SEL1L: variants seen among roughly 807,000 people sequenced by gnomAD.
SEL1L encodes the protein SEL1L adaptor subunit of SYVN1 ubiquitin ligase, also known as protein sel-1 homolog 1.
In SEL1L, 52 loss-of-function variants were observed where a neutral mutation model predicts 109.8. The observed-to-expected ratio is 0.47, with a 90% CI of 0.38 to 0.60. SEL1L has a LOEUF of 0.60. SEL1L is among the 20% of genes least tolerant of loss of function. The pLI, the probability that SEL1L is intolerant of heterozygous loss-of-function variation, is 0.00. For missense variants in SEL1L, 749 were observed against 962.2 expected, an observed-to-expected ratio of 0.78 and a Z score of 2.93; for synonymous variants, 373 against 339.6, an observed-to-expected ratio of 1.10 and a Z score of -1.08.
intron 19 of SEL1L, among the ~76,000 whole-genome samples, chr14:81,482,882 G>T (rs1903404561): frequency 6.6e-6 from 1 of 152,176 alleles, no homozygotes. Context: ...ACACAGGAAG[G>T]AGTATAATTA....
At chr14:81,486,888 G>A (rs1020245461) in intron 16 of SEL1L, among the ~76,000 whole-genome samples, 1 of 152,002 alleles carries the variant, frequency 6.6e-6, no homozygotes. Flanking sequence ...CCAAGTCTAA[G>A]AGAGAGCTAA....
intron 14 of SEL1L, 71 bp from the exon 15 acceptor site, chr14:81,488,013 T>A: frequency 8.4e-7 from 1 of 1,192,494 alleles, no homozygotes; most frequent in African/African-American, 1.5e-5. Context: ...GAGATTTATT[T>A]AAAAAAATGA....
At chr14:81,501,251 T>C (rs1038980710) in intron 6 of SEL1L, among the ~76,000 whole-genome samples, 1 of 152,148 alleles carries the variant, frequency 6.6e-6, no homozygotes, top group African/African-American at 2.4e-5. Context: ...TAACTCTCTG[T>C]AGTGTTAAGC....
At chr14:81,482,623 A>G (rs1370317327) in intron 19 of SEL1L, among the ~76,000 whole-genome samples, 5 of 150,334 alleles carry the variant, frequency 3.3e-5, no homozygotes, top group African/African-American at 1.2e-4. Context: ...ATTAAGTGGC[A>G]GAGATCTTCC....
At chr14:81,501,994 G>A (rs1884030658) in intron 6 of SEL1L, among the ~76,000 whole-genome samples, 2 of 151,348 alleles carry the variant, frequency 1.3e-5, no homozygotes, top group East Asian at 3.9e-4. Flanking sequence ...AAAGGCATTG[G>A]GGTATACTAG....
chr14:81,522,426 C>T lies in SEL1L; in HGVS notation c.340+4307G>A, dbSNP rs183224072. ...ATCTTTTATACCATATTTTTATGTG[C>T]TTTTTCTATGTTTAGATAGGTTTAG... is the stretch of plus-strand genomic sequence containing the variant. On this transcript the variant is annotated intron_variant, in intron 3 of 20. Transcript: ENST00000336735. Among the ~76,000 whole-genome samples, 794 of 152,236 alleles carry T rather than the reference C, an allele frequency of 5.2e-3. 3 individuals are homozygous for T. Among genetic ancestry groups the T allele is most frequent in the Non-Finnish European group, 9.1e-3 (620 of 68,002 alleles).
chr14:81,499,161 G>A, intron 8 of SEL1L: 2 of 1,113,200 alleles, frequency 1.8e-6, no homozygotes, highest in East Asian at 4.9e-5. Context: ...TGTAAAAAAT[G>A]ATTCTGACAA....
intron 19 of SEL1L, among the ~76,000 whole-genome samples, chr14:81,481,384 A>G (rs1213753297): frequency 6.6e-6 from 1 of 152,202 alleles, no homozygotes; most frequent in African/African-American, 2.4e-5. Context: ...TCTTGTCCTT[A>G]GGGTGTGTCA....
At chr14:81,492,380 C>G (rs1883575051) in intron 12 of SEL1L, 100 bp downstream of exon 12, 7 of 885,872 alleles carry the variant, frequency 7.9e-6, no homozygotes, top group Non-Finnish European at 1.3e-5. Context: ...AATCTTATTT[C>G]CAATTTATTT....
At chr14:81,517,953 C>T (rs1450667163) in intron 3 of SEL1L, among the ~76,000 whole-genome samples, 1 of 151,844 alleles carries the variant, frequency 6.6e-6, no homozygotes, top group Non-Finnish European at 1.5e-5. Context: ...TTTTTTGAGA[C>T]AGTCTCACTC....
chr14:81,532,519 AGTG>A (rs1385865667), intron 1 of SEL1L, among the ~76,000 whole-genome samples: 1 of 152,200 alleles, frequency 6.6e-6, no homozygotes, highest in Admixed American at 6.5e-5. Flanking sequence ...GAGGGAGGGG[AGTG>A]GACCTGAAAG....
At chr14:81,517,305 C>T (rs570964258) in intron 3 of SEL1L, among the ~76,000 whole-genome samples, 1 of 152,328 alleles carries the variant, frequency 6.6e-6, no homozygotes, top group East Asian at 1.9e-4. Context: ...CAGGTGAGGC[C>T]TGTAGTTTTT....
chr14:81,511,982 G>A (rs1278324240), intron 3 of SEL1L, among the ~76,000 whole-genome samples: 1 of 152,172 alleles, frequency 6.6e-6, no homozygotes, highest in Non-Finnish European at 1.5e-5. Flanking sequence ...ACTGAAAAAA[G>A]AAGTTCTGGA....
intron 3 of SEL1L, among the ~76,000 whole-genome samples, chr14:81,514,172 GC>G (rs1299675964): frequency 6.6e-6 from 1 of 152,224 alleles, no homozygotes; most frequent in Non-Finnish European, 1.5e-5. Context: ...TTTGCCCAAA[GC>G]CCCATCGGGG....
At chr14:81,509,437 T>C (rs11845580) in intron 3 of SEL1L, among the ~76,000 whole-genome samples, 3,443 of 152,342 alleles carry the variant, frequency 0.023, 128 homozygotes, top group African/African-American at 0.079. Flanking sequence ...TGCAGCTTCA[T>C]GTAAAAATTC....
At chr14:81,505,284 T>C (rs368920247) in intron 4 of SEL1L, among the ~76,000 whole-genome samples, 2 of 152,194 alleles carry the variant, frequency 1.3e-5, no homozygotes, top group Non-Finnish European at 2.9e-5. Flanking sequence ...ACACTGAAAA[T>C]CATAGAACTG....
chr14:81,495,767 T>G (rs1009809082), intron 10 of SEL1L, among the ~76,000 whole-genome samples: 1 of 152,006 alleles, frequency 6.6e-6, no homozygotes, highest in African/African-American at 2.4e-5. Context: ...TGAAATCCCA[T>G]CTCTACTAAA....
Position 81,527,730 on chromosome 14 carries a change from C to G in SEL1L, c.79G>C (p.Gly27Arg), listed in dbSNP as rs1885168014. The G allele has an allele frequency of 1.2e-6, 2 of 1,601,644 alleles. No homozygotes were observed. The highest frequency in any genetic ancestry group is 4.5e-5 in the East Asian group (2 of 44,456). Residue 27 changes from glycine (G) to arginine (R), a missense_variant, in exon 2 of 21, where the codon GGC becomes CGC. Physicochemically the swap from Gly to Arg is moderately radical, Grantham distance 125. Transcript: ENST00000336735. ...SLASASSDEE[G>R]SQDESLDSKT... ...GAATCTAAGGATTCATCCTGGCTGC[C>G]TTCTTCATCTGCAAAGAAATTTTAA...
intron 3 of SEL1L, among the ~76,000 whole-genome samples, chr14:81,511,892 A>G (rs1318242292): frequency 6.6e-6 from 1 of 152,254 alleles, no homozygotes; most frequent in Non-Finnish European, 1.5e-5. Flanking sequence ...AACAGTAAGA[A>G]AGTATACAAA....
Sources: gnomAD v4.1 joint callset for allele counts (sites outside exome capture counted in the v4.1 genomes callset) on GRCh38, gnomAD v4.1.1 for gene constraint, MANE v1.5 for transcripts, NCBI Gene and HGNC (gene_info 2026-07-23, HGNC 2026-07-21) for gene names.